KCNK12: variants seen among roughly 807,000 people sequenced by gnomAD.
KCNK12 encodes the protein potassium two pore domain channel subfamily K member 12.
A neutral mutation model predicts 25.3 loss-of-function variants in KCNK12; 6 were observed. The observed-to-expected ratio is 0.24, with a 90% confidence interval of 0.13 to 0.47. The LOEUF is 0.47. Among genes scored for constraint, KCNK12 ranks in the 20% least tolerant of loss-of-function variants. The pLI, the probability that KCNK12 is intolerant of heterozygous loss-of-function variation, is 0.99. For synonymous variants in KCNK12, 331 were observed against 311.1 expected, an observed-to-expected ratio of 1.06 and a Z score of -0.67; for missense variants, 444 against 661.7, an observed-to-expected ratio of 0.67 and a Z score of 3.61.
At chr2:47,534,581 A>G (rs1385616131) in intron 1 of KCNK12, among the ~76,000 whole-genome samples, 10 of 136,374 alleles carry the variant, frequency 7.3e-5, no homozygotes, top group Non-Finnish European at 4.6e-5. Context: ...TTTTGGGAGA[A>G]GACTAAATCC....
In KCNK12 at chr2:47,569,319, G is replaced by A. The variant is rs1669841895; in HGVS notation, c.391+622C>T. 6.6e-6 allele frequency among the ~76,000 whole-genome samples: 1 copy of A among 152,028 alleles called. No homozygotes were observed. Among genetic ancestry groups the A allele is most frequent in the East Asian group, 1.9e-4 (1 of 5,176 alleles). ...GGGAGCTGGGGGAGAACACAAGGAA[G>A]GGAGGCAGAACAACAGCAGCTGAAG... On this transcript the variant is annotated intron_variant, in intron 1 of 1. Transcript: ENST00000327876. This position sits in a 1 kb window ranked among gnomAD's most constrained non-coding sequence, Gnocchi z 4.1.
At chr2:47,567,820 A>G (rs1669813719) in intron 1 of KCNK12, among the ~76,000 whole-genome samples, 1 of 152,254 alleles carries the variant, frequency 6.6e-6, no homozygotes. Context: ...GAAAGAGAAT[A>G]TAGCTCCTTT....
At chr2:47,523,901 G>A (rs1668713820) in intron 1 of KCNK12, among the ~76,000 whole-genome samples, 1 of 152,220 alleles carries the variant, frequency 6.6e-6, no homozygotes. Context: ...GTGGAGAAGA[G>A]TTTGTCCTAT....
rs1661063709 is a variant in KCNK12, at chr2:47,556,186, C to A, written c.391+13755G>T. On this transcript the variant is annotated intron_variant, in intron 1 of 1. Coordinates refer to ENST00000327876, the MANE Select transcript of KCNK12 (RefSeq NM_022055.2). The surrounding 1 kb of genome is among the most constrained non-coding windows in gnomAD (Gnocchi z 4.8). ...AAGGAAGAATATACATGTTTGCATACCGATGGAGTATAAATTAACAATGCA... is the reference window on the plus strand; with the variant it reads ...AAGGAAGAATATACATGTTTGCATAACGATGGAGTATAAATTAACAATGCA... 1.3e-5 allele frequency among the ~76,000 whole-genome samples: 2 copies of A among 152,052 alleles called. No homozygotes were observed. The highest frequency in any genetic ancestry group is 4.2e-4 in the South Asian group (2 of 4,808).
At chr2:47,537,325 T>G (rs1257918286) in intron 1 of KCNK12, among the ~76,000 whole-genome samples, 1 of 148,822 alleles carries the variant, frequency 6.7e-6, no homozygotes. Flanking sequence ...TGAAAATGGG[T>G]GATTTTCTTT....
At chr2:47,564,048 A>T (rs1669740911) in intron 1 of KCNK12, 1 of 231,332 alleles carries the variant, frequency 4.3e-6, no homozygotes, top group Non-Finnish European at 8.6e-6. Context: ...ACTCTCCCAG[A>T]ACTTCCCAAA....
Position 47,560,203 on chromosome 2 carries a change from T to G in KCNK12, c.391+9738A>C, listed in dbSNP as rs562528405. 1.3e-5 allele frequency among the ~76,000 whole-genome samples: 2 copies of G among 152,334 alleles called. No individual in the cohort carries two copies. The highest frequency in any genetic ancestry group is 6.5e-5 in the Admixed American group (1 of 15,302). On this transcript the variant is annotated intron_variant, in intron 1 of 1. Coordinates refer to ENST00000327876, the MANE Select transcript of KCNK12 (RefSeq NM_022055.2). The surrounding 1 kb of genome is among the most constrained non-coding windows in gnomAD (Gnocchi z 4.7). Reference sequence around the variant, plus strand: ...ACTGCAGCTGTTTCCAGTGCAAGGCTGAGGGTTCTCAGGTCTGGGCGGGAG... The same window carrying G: ...ACTGCAGCTGTTTCCAGTGCAAGGCGGAGGGTTCTCAGGTCTGGGCGGGAG...
chr2:47,534,439 C>A (rs966989378), intron 1 of KCNK12, among the ~76,000 whole-genome samples: 1 of 144,420 alleles, frequency 6.9e-6, no homozygotes, highest in African/African-American at 2.6e-5. Context: ...CAGGCCCCCC[C>A]CACCGCCACC....
chr2:47,522,735 G>A (rs894391013), intron 1 of KCNK12, among the ~76,000 whole-genome samples: 2 of 152,176 alleles, frequency 1.3e-5, no homozygotes, highest in African/African-American at 4.8e-5. Flanking sequence ...AGGCCAAGTG[G>A]GTAGTCCGTC....
chr2:47,542,152 A>C (rs1669215052), intron 1 of KCNK12, among the ~76,000 whole-genome samples: 1 of 152,192 alleles, frequency 6.6e-6, no homozygotes, highest in African/African-American at 2.4e-5. Flanking sequence ...AGCTGCTTCC[A>C]TCAGGCCTGC....
rs1668526526 is a variant in KCNK12 at position 47,516,449 on chromosome 2, C to T, written c.*4458G>A. ...GTTTCACTGTTGTTTTGTAGAGCAA[C>T]TTCCCAGTGATGCTGCCACTGGGCC... is the stretch of plus-strand genomic sequence containing the variant. On this transcript the variant is annotated 3_prime_UTR_variant, in exon 2 of 2. Coordinates refer to ENST00000327876, the MANE Select transcript of KCNK12 (RefSeq NM_022055.2). 6.6e-6 allele frequency: 1 copy of T among 152,222 alleles called. No individual in the cohort carries two copies. Among genetic ancestry groups the T allele is most frequent in the Non-Finnish European group, 1.5e-5 (1 of 68,052 alleles). 9.4% of individuals were successfully genotyped at this position (152,222 alleles called of 1,614,324 possible). A position where few individuals can be genotyped will look rare whatever the true frequency, so the allele number is the denominator to read the frequency against.
Position 47,521,228 on chromosome 2 carries a change from A to T in KCNK12, c.972T>A (p.Ala324=). 1.3e-6 allele frequency: 2 copies of T among 1,595,612 alleles called. No individual in the cohort carries two copies. The highest frequency in any genetic ancestry group is 1.7e-6 in the Non-Finnish European group (2 of 1,171,468). The change falls in exon 2 of 2, where the codon GCT becomes GCA. Residue 324 remains alanine (A), a synonymous_variant. Transcript: ENST00000327876. Reference sequence around the variant, plus strand: ...TGCGCCGGGCCAGGGGCGCGCCAGGAGCCGGGCAGCAGCGCGCGCAGCAGC... The same window carrying T: ...TGCGCCGGGCCAGGGGCGCGCCAGGTGCCGGGCAGCAGCGCGCGCAGCAGC... The part of the protein sequence containing the change: ...SCRCCARCCP[A]PGAPLARRNA...
At chr2:47,559,757 T>C (rs78965091) in intron 1 of KCNK12, among the ~76,000 whole-genome samples, 90 of 152,316 alleles carry the variant, frequency 5.9e-4, no homozygotes, top group Admixed American at 9.8e-4. Context: ...GAAGCTGGCA[T>C]AGAAACAAAT....
rs1055662828 is a variant in KCNK12 at position 47,562,109 on chromosome 2, T to G, written c.391+7832A>C. On this transcript the variant is annotated intron_variant, in intron 1 of 1. Coordinates refer to ENST00000327876, the MANE Select transcript of KCNK12 (RefSeq NM_022055.2). This position sits in a 1 kb window ranked among gnomAD's most constrained non-coding sequence, Gnocchi z 4.8. ...CCTAGCGACTCCAAGTGCATCAGCA[T>G]AGGCATTGCCAGGAGCTCATGAGGA... 6 of 398,504 alleles carry G rather than the reference T, an allele frequency of 1.5e-5. No homozygotes were observed. Among genetic ancestry groups the G allele is most frequent in the Non-Finnish European group, 2.7e-5 (6 of 226,078 alleles). The allele number at this position is 398,504 out of a possible 1,614,324, so 24.7% of individuals were successfully genotyped here.
chr2:47,532,000 T>C (rs1340299835), intron 1 of KCNK12, among the ~76,000 whole-genome samples: 2 of 150,700 alleles, frequency 1.3e-5, no homozygotes, highest in African/African-American at 4.9e-5. Flanking sequence ...TGAGCTGAGA[T>C]CATGTCACTG....
intron 1 of KCNK12, chr2:47,543,580 TG>T (rs1669248232): frequency 6.6e-6 from 1 of 152,230 alleles, no homozygotes; most frequent in African/African-American, 2.4e-5. Flanking sequence ...TATTGCTGGG[TG>T]CTCCTGTTCT....
chr2:47,539,511 GAAGGGAGGCCA>G (rs1296018819), intron 1 of KCNK12, among the ~76,000 whole-genome samples: 2 of 152,160 alleles, frequency 1.3e-5, no homozygotes, highest in Admixed American at 6.5e-5. Context: ...GGGGACTAAG[GAAGGGAGGCCA>G]AAGGGAGGCC....
At chr2:47,541,773 G>A (rs1669205164) in intron 1 of KCNK12, among the ~76,000 whole-genome samples, 1 of 152,174 alleles carries the variant, frequency 6.6e-6, no homozygotes, top group Admixed American at 6.5e-5. Flanking sequence ...TGCAAGCCAA[G>A]GAGAGAGTCC....
rs1668558183 is a variant in KCNK12, at chr2:47,517,678, C to A, written c.*3229G>T. 6.6e-6 allele frequency: 1 copy of A among 152,094 alleles called. No homozygotes were observed. 9.4% of individuals were successfully genotyped at this position (152,094 alleles called of 1,614,324 possible). A position where few individuals can be genotyped will look rare whatever the true frequency, so the allele number is the denominator to read the frequency against. On this transcript the variant is annotated 3_prime_UTR_variant, in exon 2 of 2. Coordinates refer to ENST00000327876, the MANE Select transcript of KCNK12 (RefSeq NM_022055.2). The surrounding 1 kb of genome is among the most constrained non-coding windows in gnomAD (Gnocchi z 4.1). ...AAATGAGAGCCTGAGATTGCCTAAG[C>A]CTTCTGATGCCTTCTCCAGGCCTGG... is the stretch of plus-strand genomic sequence containing the variant.
Sources: allele counts gnomAD v4.1 joint callset (sites outside exome capture counted in the v4.1 genomes callset), GRCh38; gene constraint gnomAD v4.1.1; non-coding constraint Gnocchi (gnomAD v3.1); transcripts MANE v1.5; gene names NCBI Gene and HGNC (gene_info 2026-07-23, HGNC 2026-07-21).